SLC7A5: variants seen among roughly 807,000 people sequenced by gnomAD.
The protein encoded by SLC7A5 is large neutral amino acids transporter small subunit 1.
In SLC7A5, 23 loss-of-function variants were observed where a neutral mutation model predicts 50.2. The observed-to-expected ratio is 0.46, with a 90% confidence interval of 0.33 to 0.65. The LOEUF (loss-of-function observed/expected upper bound fraction) is 0.65, where lower values mean the gene tolerates loss of function less well. SLC7A5 is among the 30% of genes least tolerant of loss of function. The pLI is 0.02. For synonymous variants in SLC7A5, 393 were observed against 330.6 expected (o/e 1.19, Z -2.05); for missense variants, 578 against 684.4 (o/e 0.84, Z 1.73).
intron 3 of SLC7A5, 77 bp from the exon 4 acceptor site, chr16:87,840,550 G>C (rs1456576549): frequency 7.7e-7 from 1 of 1,293,936 alleles, no homozygotes; most frequent in Admixed American, 1.7e-5. Flanking sequence ...GAGCATCCCA[G>C]GGCAGCTGGT....
chr16:87,842,324 G>A (rs570677421), intron 2 of SLC7A5, among the ~76,000 whole-genome samples: 1 of 152,340 alleles, frequency 6.6e-6, no homozygotes, highest in African/African-American at 2.4e-5. Context: ...GTCCCAACAT[G>A]TGGCCTTGGA....
Position 87,860,225 on chromosome 16 carries a change from C to T in SLC7A5, c.539-8376G>A, listed in dbSNP as rs569248352. On this transcript the variant is annotated intron_variant, in intron 1 of 9. Coordinates refer to ENST00000261622, the MANE Select transcript of SLC7A5 (RefSeq NM_003486.7). This position sits in a 1 kb window ranked among gnomAD's most constrained non-coding sequence, Gnocchi z 4.8. The stretch of plus-strand genomic sequence containing the variant: ...GTGCATGCCTGTAGTCCCAGCTACT[C>T]GGGAAGCTAAGGCAGGAGAATCACT... 1.3e-5 allele frequency among the ~76,000 whole-genome samples: 2 copies of T among 151,422 alleles called. No individual in the cohort carries two copies. The highest frequency in any genetic ancestry group is 2.9e-5 in the Non-Finnish European group (2 of 67,844).
Position 87,869,394 on chromosome 16 carries a change from G to T in SLC7A5, c.29C>A (p.Ala10Glu). MAGAGPKRR[A>E]LAAPAAEEKE... ...CTCCTCGGCCGCCGGCGCCGCTAGC[G>T]CGCGCCGCTTCGGGCCCGCACCCGC... The change falls in exon 1 of 10, where the codon GCG (alanine) becomes GAG (glutamate). Residue 10 changes from alanine to glutamate, a missense_variant. Physicochemically the swap from Ala to Glu is moderately radical, Grantham distance 107. Transcript: ENST00000261622. 5.1e-6 allele frequency: 8 copies of T among 1,556,598 alleles called. No homozygotes were observed. Among genetic ancestry groups the T allele is most frequent in the Non-Finnish European group, 6.9e-6 (8 of 1,157,548 alleles).
intron 5 of SLC7A5, 39 bp from the exon 6 acceptor site, chr16:87,838,856 C>T (rs33915775): frequency 8.0e-6 from 12 of 1,504,764 alleles, no homozygotes; most frequent in Admixed American, 3.3e-5. Context: ...CCCACCGGGC[C>T]GGCCCTCGCC....
chr16:87,850,491 G>GC (rs2055207573), intron 2 of SLC7A5, among the ~76,000 whole-genome samples: 1 of 152,214 alleles, frequency 6.6e-6, no homozygotes, highest in Non-Finnish European at 1.5e-5. Context: ...ATCGGTGACT[G>GC]CGAGTCACCA....
At position 87,860,341 on chromosome 16, in the gene SLC7A5, TACACACACACACACACACACACACACAC is replaced by T. The variant is rs370835904; in HGVS notation, c.538+8516_539-8493del. ...AAAGCATCTCAAAAAAAAAAAAAAATACACACACACACACACACACACACACACACACACACACACACACACACACACA... is the reference window on the plus strand; with the variant it reads ...AAAGCATCTCAAAAAAAAAAAAAAATACACACACACACACACACACACACA... On this transcript the variant is annotated intron_variant, in intron 1 of 9. Transcript: ENST00000261622. The surrounding 1 kb of genome is among the most constrained non-coding windows in gnomAD (Gnocchi z 4.8). Among the ~76,000 whole-genome samples, 7 of 86,184 alleles carry T rather than the reference TACACACACACACACACACACACACACAC, an allele frequency of 8.1e-5. No homozygotes were observed. Among genetic ancestry groups the T allele is most frequent in the South Asian group, 4.6e-4 (1 of 2,164 alleles). The allele number at this position is 86,184 out of a possible 152,430, so 56.5% of individuals were successfully genotyped here.
chr16:87,845,573 C>G (rs1469492213), intron 2 of SLC7A5, among the ~76,000 whole-genome samples: 1 of 152,114 alleles, frequency 6.6e-6, no homozygotes, highest in East Asian at 1.9e-4. Context: ...GCCACGGCGC[C>G]GCTTTTCAGA....
At chr16:87,854,814 C>CCTGG (rs1339195027) in intron 1 of SLC7A5, among the ~76,000 whole-genome samples, 1 of 152,262 alleles carries the variant, frequency 6.6e-6, no homozygotes, top group Non-Finnish European at 1.5e-5. Flanking sequence ...CTGCCTCCCA[C>CCTGG]CTGGCTGGCT....
At chr16:87,836,229 C>T (rs752517437) in intron 8 of SLC7A5, among the ~76,000 whole-genome samples, 1 of 152,266 alleles carries the variant, frequency 6.6e-6, no homozygotes, top group Non-Finnish European at 1.5e-5. Flanking sequence ...CCTATGACTG[C>T]AGTGTCCTTA....
intron 2 of SLC7A5, among the ~76,000 whole-genome samples, chr16:87,847,626 T>C (rs1173509800): frequency 6.6e-6 from 1 of 152,114 alleles, no homozygotes; most frequent in Non-Finnish European, 1.5e-5. Flanking sequence ...CAAGAGCAGA[T>C]GGGCCCAGTG....
At position 87,867,309 on chromosome 16, in the gene SLC7A5, G is replaced by A. The variant is rs140847126; in HGVS notation, c.538+1576C>T. On this transcript the variant is annotated intron_variant, in intron 1 of 9. Coordinates refer to ENST00000261622, the MANE Select transcript of SLC7A5 (RefSeq NM_003486.7). ...ATACCGGGCCGACATGTACCTAGGC[G>A]GGAGGGAGACTGAACCAGTGAAATT... 4.6e-3 allele frequency among the ~76,000 whole-genome samples: 707 copies of A among 152,320 alleles called. 2 individuals carry two copies. The highest frequency in any genetic ancestry group is 8.2e-3 in the Non-Finnish European group (555 of 68,026).
chr16:87,846,284 C>T (rs1237265652), intron 2 of SLC7A5, among the ~76,000 whole-genome samples: 2 of 152,258 alleles, frequency 1.3e-5, no homozygotes, highest in Admixed American at 6.5e-5. Context: ...CACAGGCAGG[C>T]CAGCCTGGAA....
At chr16:87,858,806 G>T (rs1471711460) in intron 1 of SLC7A5, among the ~76,000 whole-genome samples, 1 of 152,242 alleles carries the variant, frequency 6.6e-6, no homozygotes, top group East Asian at 1.9e-4. Context: ...TCGTTGAACA[G>T]ACTCTGCGCT....
In SLC7A5 at chr16:87,830,861, A is replaced by C. The variant is rs537464607; in HGVS notation, c.*2109T>G. 3 of 152,386 alleles carry C rather than the reference A, an allele frequency of 2.0e-5. No homozygotes were observed. The highest frequency in any genetic ancestry group is 7.2e-5 in the African/African-American group (3 of 41,574). The allele number at this position is 152,386 out of a possible 1,614,324, so 9.4% of individuals were successfully genotyped here. On this transcript the variant is annotated 3_prime_UTR_variant, in exon 10 of 10. Coordinates refer to ENST00000261622, the MANE Select transcript of SLC7A5 (RefSeq NM_003486.7). The stretch of plus-strand genomic sequence containing the variant: ...CGCCGGCTCCCTGTATCCTTGAGGC[A>C]TGTCCACGTCCCAGAGCAGGAGGTT...
Position 87,851,707 on chromosome 16 carries a change from CT to C in SLC7A5, c.664+16del, listed in dbSNP as rs780861530. ...AGCCTCGAGGGGCCGCCGGTGGGGC[CT>C]GGGGGACGTACTCACCCTTCCCGAT... On this transcript the variant is annotated intron_variant, in intron 2 of 9. Transcript: ENST00000261622. 6.2e-7 allele frequency: 1 copy of C among 1,607,610 alleles called. No individual in the cohort carries two copies. The highest frequency in any genetic ancestry group is 8.5e-7 in the Non-Finnish European group (1 of 1,175,732).
At chr16:87,851,954 C>A in intron 1 of SLC7A5, 105 bp from the exon 2 acceptor site, 1 of 1,407,928 alleles carries the variant, frequency 7.1e-7, no homozygotes, top group Non-Finnish European at 9.9e-7. Flanking sequence ...CCAGGTCCAC[C>A]AGAAAAACAA....
At position 87,830,098 on chromosome 16, in the gene SLC7A5, G is replaced by GT. The variant is rs2054918825; in HGVS notation, c.*2871dup. On this transcript the variant is annotated 3_prime_UTR_variant, in exon 10 of 10. Transcript: ENST00000261622. ...AACACCCTACCCAACCCAGCCCAGT[G>GT]TAACAGGTTAGCCATTAACACAGAA... is the stretch of plus-strand genomic sequence containing the variant. 1 of 152,230 alleles carries GT rather than the reference G, an allele frequency of 6.6e-6. No homozygotes were observed. The highest frequency in any genetic ancestry group is 1.5e-5 in the Non-Finnish European group (1 of 68,036). The allele number at this position is 152,230 out of a possible 1,614,324, so 9.4% of individuals were successfully genotyped here. A position where few individuals can be genotyped will look rare whatever the true frequency, so the allele number is the denominator to read the frequency against.
chr16:87,841,570 G>C lies in SLC7A5; in HGVS notation c.665-415C>G, dbSNP rs1245806441. 6.6e-6 allele frequency among the ~76,000 whole-genome samples: 1 copy of C among 152,254 alleles called. No homozygotes were observed. Among genetic ancestry groups the C allele is most frequent in the African/African-American group, 2.4e-5 (1 of 41,484 alleles). On this transcript the variant is annotated intron_variant, in intron 2 of 9. Coordinates refer to ENST00000261622, the MANE Select transcript of SLC7A5 (RefSeq NM_003486.7). The surrounding 1 kb of genome is among the most constrained non-coding windows in gnomAD (Gnocchi z 4.8). ...GCATCCTGGCTACGGCAACAAGGAAGGCCCAGAGCCACTAGGGCCCTGCTT... is the reference window on the plus strand; with the variant it reads ...GCATCCTGGCTACGGCAACAAGGAACGCCCAGAGCCACTAGGGCCCTGCTT...
Position 87,839,956 on chromosome 16 carries a change from G to A in SLC7A5, c.816-131C>T, listed in dbSNP as rs2055062766. The A allele has an allele frequency of 5.5e-6, 7 of 1,267,124 alleles. No homozygotes were observed. The Admixed American group carries it at 1.4e-4, about 25-fold the overall frequency. The allele number at this position is 1,267,124 out of a possible 1,614,324, so 78.5% of individuals were successfully genotyped here. ...TGTGCTGGGCTTCTCGGGGAAGGTG[G>A]GAAGCAGCAAGAGAACACAGGCTGG... On this transcript the variant is annotated intron_variant, in intron 4 of 9. Coordinates refer to ENST00000261622, the MANE Select transcript of SLC7A5 (RefSeq NM_003486.7).
Sources: gnomAD v4.1 joint callset for allele counts (sites outside exome capture counted in the v4.1 genomes callset) on GRCh38, gnomAD v4.1.1 for gene constraint, Gnocchi (gnomAD v3.1) non-coding constraint, MANE v1.5 for transcripts, NCBI Gene and HGNC (gene_info 2026-07-23, HGNC 2026-07-21) for gene names.